Variants in TARS3 observed in about 807,000 individuals in gnomAD.
The protein encoded by TARS3 is threonyl-tRNA synthetase 3.
TARS3 carries 94 observed loss-of-function variants against 103.5 expected under a neutral mutation model. That is an observed-to-expected ratio of 0.91 (90% CI 0.77 to 1.08). The LOEUF is 1.08. TARS3 is among the 50% of genes least tolerant of loss of function. The pLI is 0.00. For synonymous variants in TARS3, 416 were observed against 355.4 expected (o/e 1.17, Z -1.92); for missense variants, 952 against 995.2 (o/e 0.96, Z 0.58).
intron 10 of TARS3, among the ~76,000 whole-genome samples, chr15:101,688,108 C>A (rs764024842): frequency 6.6e-5 from 10 of 152,036 alleles, no homozygotes; most frequent in Admixed American, 6.5e-4. Context: ...TAGGAGATAT[C>A]TATATATATT....
chr15:101,671,195 C>G (rs1461537151), intron 15 of TARS3, among the ~76,000 whole-genome samples: 5 of 152,284 alleles, frequency 3.3e-5, no homozygotes, highest in Non-Finnish European at 7.4e-5. Context: ...CCAATGCCAG[C>G]ATTTTGTGAA....
At chr15:101,688,325 C>T (rs1898562542) in intron 10 of TARS3, among the ~76,000 whole-genome samples, 1 of 152,106 alleles carries the variant, frequency 6.6e-6, no homozygotes, top group South Asian at 2.1e-4. Context: ...TAAAATATGT[C>T]TCATGCCATG....
chr15:101,673,861 C>T (rs1049477483), intron 13 of TARS3, among the ~76,000 whole-genome samples: 2 of 152,114 alleles, frequency 1.3e-5, no homozygotes, highest in Non-Finnish European at 1.5e-5. Flanking sequence ...CTATTAATCA[C>T]GTAAAAATAA....
intron 2 of TARS3, among the ~76,000 whole-genome samples, chr15:101,721,806 A>G (rs1376708033): frequency 6.6e-6 from 1 of 152,170 alleles, no homozygotes; most frequent in African/African-American, 2.4e-5. Context: ...CAATTTTTCA[A>G]CTTTAGTGAT....
chr15:101,697,789 T>C (rs1899052730), intron 10 of TARS3, among the ~76,000 whole-genome samples: 1 of 152,196 alleles, frequency 6.6e-6, no homozygotes, highest in South Asian at 2.1e-4. Flanking sequence ...TTGTAGACCC[T>C]TTCCATTAAA....
At chr15:101,714,075 C>T (rs145066956) in intron 4 of TARS3, among the ~76,000 whole-genome samples, 4 of 151,892 alleles carry the variant, frequency 2.6e-5, no homozygotes, top group Non-Finnish European at 4.4e-5. Context: ...AACGTTCAGG[C>T]GACAACGTAT....
At chr15:101,683,733 T>C (rs1005227607) in intron 12 of TARS3, among the ~76,000 whole-genome samples, 8 of 152,218 alleles carry the variant, frequency 5.3e-5, no homozygotes, top group Admixed American at 2.6e-4. Context: ...CAGTGAAACT[T>C]TGCATGGCAA....
chr15:101,689,212 A>T (rs1898602892), intron 10 of TARS3, among the ~76,000 whole-genome samples: 1 of 152,004 alleles, frequency 6.6e-6, no homozygotes, highest in African/African-American at 2.4e-5. Context: ...CTTACAATGG[A>T]GTAAGGAGGA....
chr15:101,674,246 C>T (rs1897931734), intron 13 of TARS3, among the ~76,000 whole-genome samples: 2 of 152,144 alleles, frequency 1.3e-5, no homozygotes, highest in African/African-American at 4.8e-5. Flanking sequence ...CCCTTATTTT[C>T]CTGAACCATG....
chr15:101,702,004 C>G (rs1899307025), intron 9 of TARS3, among the ~76,000 whole-genome samples: 2 of 151,588 alleles, frequency 1.3e-5, no homozygotes, highest in South Asian at 4.2e-4. Context: ...TTTATCATGA[C>G]AAAAATAAGA....
At chr15:101,721,938 G>T (rs921528428) in intron 2 of TARS3, among the ~76,000 whole-genome samples, 1 of 152,142 alleles carries the variant, frequency 6.6e-6, no homozygotes, top group African/African-American at 2.4e-5. Context: ...AATAAAATAG[G>T]CTTTATGTTA....
At chr15:101,677,323 G>A (rs1019060914) in intron 12 of TARS3, among the ~76,000 whole-genome samples, 1 of 152,158 alleles carries the variant, frequency 6.6e-6, no homozygotes, top group Non-Finnish European at 1.5e-5. Flanking sequence ...CAGAGGAAAG[G>A]CAAATTCTCT....
chr15:101,661,367 T>C (rs559395468), intron 16 of TARS3, among the ~76,000 whole-genome samples: 2 of 150,660 alleles, frequency 1.3e-5, no homozygotes, highest in African/African-American at 2.4e-5. Flanking sequence ...CCTAGGAGTG[T>C]GGGTCACATG....
At chr15:101,657,981 G>A in intron 16 of TARS3, 124 bp from the exon 17 acceptor site, 2 of 564,642 alleles carry the variant, frequency 3.5e-6, no homozygotes, top group African/African-American at 1.9e-5. Flanking sequence ...AGCGCAGCAT[G>A]GAAGAAAACT....
chr15:101,716,541 CA>C (rs1215631594), intron 3 of TARS3, among the ~76,000 whole-genome samples: 1 of 152,076 alleles, frequency 6.6e-6, no homozygotes, highest in Non-Finnish European at 1.5e-5. Context: ...GACAGATTTC[CA>C]AAACGTGATA....
chr15:101,660,148 C>T (rs1897323058), intron 16 of TARS3, among the ~76,000 whole-genome samples: 2 of 152,186 alleles, frequency 1.3e-5, no homozygotes, highest in Non-Finnish European at 2.9e-5. Context: ...TCATCCGGTG[C>T]CCAGTGTCCA....
chr15:101,701,221 T>A, intron 9 of TARS3, 37 bp from the exon 10 acceptor site: 1 of 1,295,830 alleles, frequency 7.7e-7, no homozygotes, highest in Non-Finnish European at 1.1e-6. Flanking sequence ...AAATGTCATC[T>A]GCTATTGCTT....
Position 101,684,117 on chromosome 15 carries a change from G to T in TARS3, c.1608C>A (p.Arg536=). 1 of 1,613,664 alleles carries T rather than the reference G, an allele frequency of 6.2e-7. No homozygotes were observed. Among genetic ancestry groups the T allele is most frequent in the South Asian group, 1.1e-5 (1 of 91,022 alleles). The part of the protein sequence containing the change: ...GTLSGLTRVR[R]FQQDDAHIFC... ...AAATGTGAGCATCGTCCTGCTGGAA[G>T]CGCCTCACTCTGGTCAAGCCGCTGA... Residue 536 remains arginine, a synonymous_variant, in exon 12 of 19, where the codon CGC becomes CGA. Transcript: ENST00000335968.
intron 10 of TARS3, among the ~76,000 whole-genome samples, chr15:101,698,289 C>A (rs1284816921): frequency 6.6e-6 from 1 of 151,776 alleles, no homozygotes; most frequent in South Asian, 2.1e-4. Context: ...GCTGAGATCA[C>A]GCCACTGCAC....
Sources: gnomAD v4.1 joint callset for allele counts (sites outside exome capture counted in the v4.1 genomes callset) on GRCh38, gnomAD v4.1.1 for gene constraint, MANE v1.5 for transcripts, NCBI Gene and HGNC (gene_info 2026-07-23, HGNC 2026-07-21) for gene names.